Variants in PTPRT observed in about 807,000 individuals in gnomAD.
PTPRT encodes the protein receptor-type tyrosine-protein phosphatase T.
A neutral mutation model predicts 176.8 loss-of-function variants in PTPRT; 56 were observed. The ratio of observed to expected loss-of-function variants is 0.32; its 90% CI spans 0.26 to 0.40. The LOEUF (loss-of-function observed/expected upper bound fraction) is 0.40. Among genes scored for constraint, PTPRT ranks in the 10% least tolerant of loss-of-function variants. The pLI, the probability that PTPRT is intolerant of heterozygous loss-of-function variation, is 1.00. For synonymous variants in PTPRT, 783 were observed against 739.0 expected (o/e 1.06, Z -0.96); for missense variants, 1,540 against 1,908.2 (o/e 0.81, Z 3.60).
intron 27 of PTPRT, among the ~76,000 whole-genome samples, chr20:42,097,061 C>T (rs1006808505): frequency 6.6e-6 from 1 of 152,202 alleles, no homozygotes; most frequent in Non-Finnish European, 1.5e-5. Context: ...GGAAGCCCAA[C>T]CCCTGCCTAC....
At chr20:42,925,180 C>A (rs1461778615) in intron 1 of PTPRT, among the ~76,000 whole-genome samples, 2 of 152,166 alleles carry the variant, frequency 1.3e-5, no homozygotes, top group African/African-American at 4.8e-5. Flanking sequence ...ATGACACAAG[C>A]TTTTCCAAAT....
chr20:42,707,243 T>C (rs4812634), intron 6 of PTPRT, among the ~76,000 whole-genome samples: 3,084 of 152,258 alleles, frequency 0.02, 93 homozygotes, highest in East Asian at 0.089. Context: ...ATTAATAGAA[T>C]GGTAAGAAAA....
chr20:42,695,881 G>A (rs538545822), intron 6 of PTPRT, among the ~76,000 whole-genome samples: 1 of 152,186 alleles, frequency 6.6e-6, no homozygotes, highest in African/African-American at 2.4e-5. Flanking sequence ...CTGCTGTGGT[G>A]ATATTTAAAG....
chr20:42,572,735 G>T (rs2073178872), intron 7 of PTPRT, among the ~76,000 whole-genome samples: 1 of 152,058 alleles, frequency 6.6e-6, no homozygotes, highest in Non-Finnish European at 1.5e-5. Context: ...TATCTATCCA[G>T]GAACTTGCAC....
At chr20:42,148,520 G>C (rs1233471487) in intron 17 of PTPRT, among the ~76,000 whole-genome samples, 1 of 152,112 alleles carries the variant, frequency 6.6e-6, no homozygotes, top group Non-Finnish European at 1.5e-5. Context: ...CTGGATGCCA[G>C]GTGCTGGGAT....
chr20:42,482,345 T>C (rs960329614), intron 7 of PTPRT, among the ~76,000 whole-genome samples: 3 of 152,172 alleles, frequency 2.0e-5, no homozygotes, highest in African/African-American at 7.2e-5. Flanking sequence ...TAGGCCAGTC[T>C]GGGTGTTACA....
In PTPRT at chr20:42,584,833, G is replaced by A. The variant is rs887334309; in HGVS notation, c.1153+93033C>T. On this transcript the variant is annotated intron_variant, in intron 7 of 30. Transcript: ENST00000373187. ...TGAATGAATGAATTAATTAGCACAC[G>A]TTCTTGGATAGAAATCTCTCTATTC... is the stretch of plus-strand genomic sequence containing the variant. 5.3e-5 allele frequency among the ~76,000 whole-genome samples: 8 copies of A among 152,238 alleles called. No individual in the cohort carries two copies. In the East Asian group the frequency reaches 7.7e-4, roughly 15 times the overall value.
At chr20:42,848,818 T>A (rs946281662) in intron 2 of PTPRT, among the ~76,000 whole-genome samples, 3 of 152,238 alleles carry the variant, frequency 2.0e-5, no homozygotes, top group African/African-American at 7.2e-5. Flanking sequence ...TCAGTTTAAT[T>A]AAGTCCCATC....
At chr20:43,163,522 C>T (rs2014765129) in intron 1 of PTPRT, among the ~76,000 whole-genome samples, 1 of 152,006 alleles carries the variant, frequency 6.6e-6, no homozygotes, top group African/African-American at 2.4e-5. Context: ...CCTATAGTCC[C>T]AGCTACTCAG....
At chr20:43,121,028 T>C (rs1324585572) in intron 1 of PTPRT, among the ~76,000 whole-genome samples, 1 of 152,204 alleles carries the variant, frequency 6.6e-6, no homozygotes, top group African/African-American at 2.4e-5. Context: ...CGGCTCCTTC[T>C]CCCAGGATAA....
chr20:42,489,238 C>T (rs959966137), intron 7 of PTPRT, among the ~76,000 whole-genome samples: 5 of 152,004 alleles, frequency 3.3e-5, no homozygotes, highest in African/African-American at 7.2e-5. Flanking sequence ...AAATATTCCA[C>T]GTCCCCCTTG....
chr20:42,457,988 C>T lies in PTPRT; in HGVS notation c.1451-9659G>A, dbSNP rs143273676. 6.0e-3 allele frequency among the ~76,000 whole-genome samples: 918 copies of T among 152,276 alleles called. 5 individuals are homozygous for T. The highest frequency in any genetic ancestry group is 0.018 in the South Asian group (89 of 4,824). On this transcript the variant is annotated intron_variant, in intron 8 of 30. Coordinates refer to ENST00000373187, the MANE Select transcript of PTPRT (RefSeq NM_007050.6). Reference sequence around the variant, plus strand: ...CCCCACTCCCATCCACCAGCTCCAACGCCCACTCCTGTTTTTAGCACTGGT... The same window carrying T: ...CCCCACTCCCATCCACCAGCTCCAATGCCCACTCCTGTTTTTAGCACTGGT...
intron 1 of PTPRT, among the ~76,000 whole-genome samples, chr20:43,159,962 T>C (rs778795640): frequency 1.6e-4 from 24 of 151,066 alleles, no homozygotes; most frequent in Non-Finnish European, 3.2e-4. Context: ...CACTGGTAAG[T>C]TGACCCAGAA....
At chr20:42,736,718 C>T (rs982026766) in intron 6 of PTPRT, among the ~76,000 whole-genome samples, 1 of 152,114 alleles carries the variant, frequency 6.6e-6, no homozygotes, top group African/African-American at 2.4e-5. Context: ...ACACGGGGTA[C>T]AATTTATGCC....
chr20:43,165,204 G>T lies in PTPRT; in HGVS notation c.88+24442C>A, dbSNP rs563109101. On this transcript the variant is annotated intron_variant, in intron 1 of 30. Coordinates refer to ENST00000373187, the MANE Select transcript of PTPRT (RefSeq NM_007050.6). Reference sequence around the variant, plus strand: ...ACTGAGTTTTGCTCTTGTCACCCAGGCTGGAGTGCAATGGCGCAATGTCGG... The same window carrying T: ...ACTGAGTTTTGCTCTTGTCACCCAGTCTGGAGTGCAATGGCGCAATGTCGG... 2.0e-5 allele frequency among the ~76,000 whole-genome samples: 3 copies of T among 151,150 alleles called. No homozygotes were observed. The South Asian group carries it at 6.3e-4, about 32-fold the overall frequency.
intron 11 of PTPRT, among the ~76,000 whole-genome samples, chr20:42,320,242 C>T (rs1408930979): frequency 6.6e-6 from 1 of 152,168 alleles, no homozygotes; most frequent in East Asian, 1.9e-4. Flanking sequence ...CTCAGAACCT[C>T]TCCATAGGCT....
chr20:42,589,688 C>T (rs1452783060), intron 7 of PTPRT, among the ~76,000 whole-genome samples: 1 of 152,140 alleles, frequency 6.6e-6, no homozygotes, highest in Non-Finnish European at 1.5e-5. Flanking sequence ...AGGAGCCTTG[C>T]AACTCGACTT....
intron 7 of PTPRT, among the ~76,000 whole-genome samples, chr20:42,486,091 G>A (rs1396374794): frequency 6.6e-6 from 1 of 152,146 alleles, no homozygotes; most frequent in Non-Finnish European, 1.5e-5. Context: ...AGTACCTGCT[G>A]GCCTTGTTGA....
chr20:42,088,592 A>G (rs1190769906), intron 27 of PTPRT, among the ~76,000 whole-genome samples: 1 of 152,226 alleles, frequency 6.6e-6, no homozygotes, highest in Non-Finnish European at 1.5e-5. Flanking sequence ...AGCAGTTGGC[A>G]TACTATTGCC....
Sources: allele counts gnomAD v4.1 joint callset (sites outside exome capture counted in the v4.1 genomes callset), GRCh38; gene constraint gnomAD v4.1.1; transcripts MANE v1.5; gene names NCBI Gene and HGNC (gene_info 2026-07-23, HGNC 2026-07-21).